The following BMPER variants were observed in gnomAD, a reference collection of about 807,000 sequenced individuals.
The protein encoded by BMPER is BMP binding endothelial regulator.
Under a neutral mutation model 87.3 loss-of-function variants are expected in BMPER, and 45 were observed. The ratio of observed to expected loss-of-function variants is 0.52; its 90% CI spans 0.41 to 0.66. BMPER has a LOEUF of 0.66. Among genes scored for constraint, BMPER ranks in the 30% least tolerant of loss-of-function variants. The pLI, the probability that BMPER is intolerant of heterozygous loss-of-function variation, is 0.00. For synonymous variants in BMPER, 326 were observed against 316.2 expected, an observed-to-expected ratio of 1.03 and a Z score of -0.33; for missense variants, 784 against 867.5, an observed-to-expected ratio of 0.90 and a Z score of 1.21.
rs1406223096 is a variant in BMPER at position 33,917,830 on chromosome 7, AC to A, written c.219+10930del. On this transcript the variant is annotated intron_variant, in intron 2 of 14. Transcript: ENST00000649409. ...CATAGGGCAAGCACCCTATTTTTAG[AC>A]CCTGTGTGGTCAGTTGGCCACTCTG... 2.6e-5 allele frequency among the ~76,000 whole-genome samples: 4 copies of A among 152,102 alleles called. No individual in the cohort carries two copies. The East Asian group carries it at 7.8e-4, about 29-fold the overall frequency.
At chr7:34,066,874 T>G (rs563461648) in intron 11 of BMPER, among the ~76,000 whole-genome samples, 1 of 152,010 alleles carries the variant, frequency 6.6e-6, no homozygotes, top group Non-Finnish European at 1.5e-5. Flanking sequence ...AGACTGAGAT[T>G]GACAGATTGA....
At chr7:33,908,585 G>A (rs1783878789) in intron 2 of BMPER, among the ~76,000 whole-genome samples, 1 of 152,168 alleles carries the variant, frequency 6.6e-6, no homozygotes, top group African/African-American at 2.4e-5. Context: ...GCATCAGTTG[G>A]AATTCAAGTG....
intron 11 of BMPER, among the ~76,000 whole-genome samples, chr7:34,078,315 G>A (rs957071094): frequency 3.3e-5 from 5 of 152,222 alleles, no homozygotes; most frequent in Non-Finnish European, 5.9e-5. Flanking sequence ...TATTAAACTC[G>A]TGTCTGTTTG....
chr7:34,089,337 C>G (rs1399120237), intron 13 of BMPER, among the ~76,000 whole-genome samples: 1 of 152,126 alleles, frequency 6.6e-6, no homozygotes, highest in African/African-American at 2.4e-5. Context: ...AAATATTACC[C>G]ATTTTGGGTT....
chr7:34,115,944 G>C (rs1790107046), intron 13 of BMPER, among the ~76,000 whole-genome samples: 1 of 152,170 alleles, frequency 6.6e-6, no homozygotes, highest in South Asian at 2.1e-4. Context: ...TTTGCGTTCT[G>C]AGCGTTCTGA....
Position 33,957,352 on chromosome 7 carries a change from T to G in BMPER, c.320-9127T>G, listed in dbSNP as rs372851906. ...TTATTCAGGTAGAAAAGAGTCAACCTCAAAAGGCTACATACTAGATGATCC... is the reference window on the plus strand; with the variant it reads ...TTATTCAGGTAGAAAAGAGTCAACCGCAAAAGGCTACATACTAGATGATCC... On this transcript the variant is annotated intron_variant, in intron 3 of 14. Coordinates refer to ENST00000649409, the MANE Select transcript of BMPER (RefSeq NM_001365308.1). Among the ~76,000 whole-genome samples, 195 of 149,860 alleles carry G rather than the reference T, an allele frequency of 1.3e-3. 1 individual carries two copies. The highest frequency in any genetic ancestry group is 4.7e-3 in the African/African-American group (189 of 40,594).
At chr7:34,137,213 G>A (rs1168497354) in intron 13 of BMPER, among the ~76,000 whole-genome samples, 1 of 152,126 alleles carries the variant, frequency 6.6e-6, no homozygotes, top group Non-Finnish European at 1.5e-5. Context: ...AATTCCTCTG[G>A]AGACAGGAGA....
At chr7:34,031,943 C>CAT (rs1554307595) in intron 6 of BMPER, among the ~76,000 whole-genome samples, 12,515 of 115,828 alleles carry the variant, frequency 0.11, 1,401 homozygotes, top group African/African-American at 0.26. Context: ...CACACACACA[C>CAT]ATATATATAC....
rs770539884 is a variant in BMPER, at chr7:34,079,114, G to A, written c.1336G>A (p.Ala446Thr). ...LTVRWNGSRI[A>T]LPCRAPHFHI... ...CGTGCGCTGGAACGGCTCGCGCATC[G>A]CGCTCCCCTGCCGCGCGCCACACTT... Residue 446 changes from alanine to threonine, a missense_variant, in exon 12 of 15, where the codon GCG becomes ACG. Physicochemically the swap from Ala to Thr is moderately conservative, Grantham distance 58. Transcript: ENST00000649409. The A allele has an allele frequency of 9.9e-6, 16 of 1,613,434 alleles. No homozygotes were observed. In the East Asian group the frequency reaches 3.3e-4, roughly 34 times the overall value.
intron 11 of BMPER, among the ~76,000 whole-genome samples, chr7:34,072,007 A>G (rs910201239): frequency 6.6e-6 from 1 of 152,150 alleles, no homozygotes; most frequent in Non-Finnish European, 1.5e-5. Flanking sequence ...GCTGTGGGGA[A>G]AGGAATGGCC....
chr7:34,120,118 A>G (rs61272310), intron 13 of BMPER, among the ~76,000 whole-genome samples: 1 of 152,200 alleles, frequency 6.6e-6, no homozygotes, highest in African/African-American at 2.4e-5. Flanking sequence ...ATTTTAACAC[A>G]CTTCTCTCAG....
chr7:33,926,120 G>A (rs61315550), intron 2 of BMPER, among the ~76,000 whole-genome samples: 4,875 of 152,262 alleles, frequency 0.032, 254 homozygotes, highest in African/African-American at 0.11. Flanking sequence ...GGCAGAAGAT[G>A]TGTCTGATTC....
At chr7:34,036,243 T>C (rs926811523) in intron 6 of BMPER, among the ~76,000 whole-genome samples, 7 of 152,186 alleles carry the variant, frequency 4.6e-5, no homozygotes, top group Admixed American at 4.6e-4. Flanking sequence ...AGTTTGAACT[T>C]TGATAAAAAT....
intron 6 of BMPER, among the ~76,000 whole-genome samples, chr7:33,975,784 T>C (rs1417116972): frequency 6.6e-6 from 1 of 152,182 alleles, no homozygotes; most frequent in Non-Finnish European, 1.5e-5. Flanking sequence ...CAGAATCATA[T>C]TTGGATCATC....
intron 11 of BMPER, among the ~76,000 whole-genome samples, chr7:34,068,511 C>G (rs534013335): frequency 1.3e-5 from 2 of 152,346 alleles, no homozygotes; most frequent in South Asian, 2.1e-4. Context: ...TCTACTGTGG[C>G]ATCTCCGTCT....
chr7:33,962,761 A>G (rs1167610415), intron 3 of BMPER, among the ~76,000 whole-genome samples: 1 of 152,222 alleles, frequency 6.6e-6, no homozygotes, highest in Non-Finnish European at 1.5e-5. Context: ...TCACTAGAAG[A>G]AAACTAATGA....
chr7:33,974,657 G>A (rs1222523895), intron 5 of BMPER, 45 bp from the exon 6 acceptor site: 25 of 1,574,528 alleles, frequency 1.6e-5, no homozygotes, highest in East Asian at 2.2e-5. Flanking sequence ...CAGGTTGAAC[G>A]ATGATGGCTG....
intron 6 of BMPER, among the ~76,000 whole-genome samples, chr7:34,035,622 C>T (rs751345533): frequency 6.6e-6 from 1 of 152,158 alleles, no homozygotes; most frequent in Non-Finnish European, 1.5e-5. Context: ...CTCAATGGAG[C>T]ACAAACATTT....
At chr7:34,098,138 G>A (rs1042851250) in intron 13 of BMPER, among the ~76,000 whole-genome samples, 9 of 152,178 alleles carry the variant, frequency 5.9e-5, no homozygotes, top group Non-Finnish European at 1.3e-4. Flanking sequence ...CCTGGTCGCT[G>A]AGATGCTTTC....
Sources: gnomAD v4.1 joint callset for allele counts (sites outside exome capture counted in the v4.1 genomes callset) on GRCh38, gnomAD v4.1.1 for gene constraint, MANE v1.5 for transcripts, NCBI Gene and HGNC (gene_info 2026-07-23, HGNC 2026-07-21) for gene names.